WIPI2: variants seen among roughly 807,000 people sequenced by gnomAD.
WIPI2 encodes the protein WD repeat domain, phosphoinositide interacting 2.
Under a neutral mutation model 52.3 loss-of-function variants are expected in WIPI2, and 28 were observed. That is an observed-to-expected ratio of 0.54 (90% CI 0.40 to 0.73). WIPI2 has a LOEUF of 0.73. Ranked by LOEUF, WIPI2 falls within the 30% of genes least tolerant of loss-of-function variation. WIPI2 has a pLI of 0.00. For synonymous variants in WIPI2, 268 were observed against 245.0 expected, an observed-to-expected ratio of 1.09 and a Z score of -0.88; for missense variants, 506 against 602.9, an observed-to-expected ratio of 0.84 and a Z score of 1.68.
At chr7:5,228,303 C>G in intron 11 of WIPI2, 92 bp downstream of exon 11, 1 of 1,209,612 alleles carries the variant, frequency 8.3e-7, no homozygotes, top group Non-Finnish European at 1.1e-6. Flanking sequence ...TCCTTGCAAA[C>G]CAGTGACATA....
At position 5,190,493 on chromosome 7, in the gene WIPI2, C is replaced by T; in HGVS notation, c.74C>T (p.Thr25Ile). The T allele has an allele frequency of 2.0e-6, 3 of 1,507,662 alleles. No individual in the cohort carries two copies. The highest frequency in any genetic ancestry group is 2.7e-6 in the Non-Finnish European group (3 of 1,127,384). The allele number at this position is 1,507,662 out of a possible 1,614,324, so 93.4% of individuals were successfully genotyped here. A position where few individuals can be genotyped will look rare whatever the true frequency, so the allele number is the denominator to read the frequency against. ...TTCGCCAACTTCAACCAGGACAACA[C>T]GTAAGGCCGGGGTCGGGGGTCGGAG... ...LLFANFNQDN[T>I]EVKGASRAAG... is the part of the protein sequence containing the mutation. The change falls in exon 1 of 13, where the codon ACA becomes ATA. Residue 25 changes from threonine (T) to isoleucine (I), a missense_variant and splice_region_variant. Around this residue, in one of 4 missense-constraint regions of WIPI2, gnomAD observed 60 missense variants for 49.7 expected, o/e 1.21. Coordinates refer to ENST00000288828, the MANE Select transcript of WIPI2 (RefSeq NM_015610.4).
chr7:5,211,862 G>T (rs1782578179), intron 3 of WIPI2, among the ~76,000 whole-genome samples: 1 of 152,146 alleles, frequency 6.6e-6, no homozygotes, highest in Non-Finnish European at 1.5e-5. Context: ...TCGCCTTCCT[G>T]CAGGGTCGCC....
At chr7:5,191,744 T>A (rs998617401) in intron 1 of WIPI2, among the ~76,000 whole-genome samples, 10 of 152,088 alleles carry the variant, frequency 6.6e-5, no homozygotes, top group African/African-American at 2.4e-4. Flanking sequence ...ACTGGCTGAG[T>A]GGAATTAACA....
intron 1 of WIPI2, among the ~76,000 whole-genome samples, chr7:5,192,038 T>C (rs1194020893): frequency 6.6e-6 from 1 of 152,200 alleles, no homozygotes; most frequent in Admixed American, 6.5e-5. Context: ...CAATGTTCTT[T>C]CTGCTCTGCC....
chr7:5,199,009 C>G (rs1781885864), intron 2 of WIPI2, among the ~76,000 whole-genome samples: 2 of 152,094 alleles, frequency 1.3e-5, no homozygotes, highest in Admixed American at 6.5e-5. Flanking sequence ...TGTTAGATCT[C>G]CAGAAAAAGT....
Position 5,227,338 on chromosome 7 carries a change from T to C in WIPI2, c.1007T>C (p.Leu336Pro). Residue 336 changes from leucine (L) to proline (P), a missense_variant, in exon 10 of 13, where the codon CTA becomes CCA. This residue lies in a region of WIPI2 where 194 missense variants were observed against 175.1 expected (regional missense o/e 1.11). Transcript: ENST00000288828. This position sits in a 1 kb window ranked among gnomAD's most constrained non-coding sequence, Gnocchi z 8.1. ...PFCGHKNICS[L>P]ATIQKIPRLL... ...TGCGGCCACAAAAACATCTGCTCGCTAGCCACGTGAGTAGAGCCGGCGCCT... is the reference window on the plus strand; with the variant it reads ...TGCGGCCACAAAAACATCTGCTCGCCAGCCACGTGAGTAGAGCCGGCGCCT... 6.2e-7 allele frequency: 1 copy of C among 1,613,256 alleles called. No individual in the cohort carries two copies. Among genetic ancestry groups the C allele is most frequent in the Non-Finnish European group, 8.5e-7 (1 of 1,180,008 alleles).
intron 7 of WIPI2, 181 bp downstream of exon 7, chr7:5,218,195 G>A (rs1782920935): frequency 1.7e-6 from 1 of 589,824 alleles, no homozygotes; most frequent in Non-Finnish European, 3.0e-6. Context: ...GGAGCTTGCA[G>A]TGTGCCACTG....
intron 3 of WIPI2, among the ~76,000 whole-genome samples, chr7:5,200,609 A>G (rs1373661249): frequency 6.6e-6 from 1 of 151,660 alleles, no homozygotes; most frequent in African/African-American, 2.4e-5. Context: ...GCTGGAGTGC[A>G]GTGGTGCCAT....
In WIPI2 at chr7:5,229,752, C is replaced by G; in HGVS notation, c.1252+14C>G. ...CAACGAGACTTGGTAAGGGGCGTGA[C>G]GCAAACCTGGAAGGTAATTAGCCCC... is the stretch of plus-strand genomic sequence containing the variant. On this transcript the variant is annotated intron_variant, in intron 12 of 12. Coordinates refer to ENST00000288828, the MANE Select transcript of WIPI2 (RefSeq NM_015610.4). The G allele has an allele frequency of 6.2e-7, 1 of 1,613,230 alleles. No individual in the cohort carries two copies. Among genetic ancestry groups the G allele is most frequent in the Non-Finnish European group, 8.5e-7 (1 of 1,179,486 alleles).
At chr7:5,207,315 A>C (rs1782343345) in intron 3 of WIPI2, among the ~76,000 whole-genome samples, 1 of 152,146 alleles carries the variant, frequency 6.6e-6, no homozygotes, top group Admixed American at 6.6e-5. Flanking sequence ...TTCCAGTCTC[A>C]GCTCCCTTCT....
chr7:5,227,217 G>A lies in WIPI2; in HGVS notation c.886G>A (p.Gly296Arg), dbSNP rs749136036. The stretch of plus-strand genomic sequence containing the variant: ...GCCCACCACCTGGACCGGGTACTTC[G>A]GGAAAGTGCTCATGGCCTCCACCAG... ...EEPTTWTGYF[G>R]KVLMASTSYL... Residue 296 changes from glycine to arginine, a missense_variant, in exon 10 of 13, where the codon GGG becomes AGG. Gly to Arg is a moderately radical substitution (Grantham distance 125). Transcript: ENST00000288828. The surrounding 1 kb of genome is among the most constrained non-coding windows in gnomAD (Gnocchi z 8.1). The A allele has an allele frequency of 3.7e-6, 6 of 1,613,996 alleles. No homozygotes were observed. The highest frequency in any genetic ancestry group is 5.1e-6 in the Non-Finnish European group (6 of 1,180,020).
intron 3 of WIPI2, among the ~76,000 whole-genome samples, chr7:5,204,668 T>A (rs369347077): frequency 1.3e-5 from 2 of 152,102 alleles, no homozygotes; most frequent in East Asian, 3.8e-4. Context: ...TTTTGTGTTA[T>A]GGCTGTTACC....
chr7:5,193,962 G>T (rs1021030651), intron 2 of WIPI2, among the ~76,000 whole-genome samples: 7 of 152,158 alleles, frequency 4.6e-5, no homozygotes, highest in African/African-American at 1.7e-4. Context: ...GAGGGCAGGG[G>T]GTGACTTAGG....
At chr7:5,203,069 A>G (rs1398641444) in intron 3 of WIPI2, among the ~76,000 whole-genome samples, 1 of 152,168 alleles carries the variant, frequency 6.6e-6, no homozygotes, top group East Asian at 1.9e-4. Context: ...GCCTGCGTTG[A>G]TTATGGAAGT....
Position 5,211,879 on chromosome 7 carries a change from C to T in WIPI2, c.212-2656C>T, listed in dbSNP as rs201339618. ...GCCTTCCTGCAGGGTCGCCGTGGCA[C>T]CCAGTACTCACCAAGGTTGCAGTGC... is the stretch of plus-strand genomic sequence containing the variant. On this transcript the variant is annotated intron_variant, in intron 3 of 12. Transcript: ENST00000288828. Among the ~76,000 whole-genome samples, 3 of 152,156 alleles carry T rather than the reference C, an allele frequency of 2.0e-5. No individual in the cohort carries two copies. The East Asian group carries it at 5.8e-4, about 29-fold the overall frequency.
At chr7:5,198,384 G>A (rs1385933953) in intron 2 of WIPI2, among the ~76,000 whole-genome samples, 3 of 151,044 alleles carry the variant, frequency 2.0e-5, no homozygotes, top group South Asian at 4.2e-4. Context: ...CGCAATCTCC[G>A]CTCACTGCAG....
At chr7:5,218,184 C>T (rs1395593512) in intron 7 of WIPI2, 170 bp downstream of exon 7, 7 of 622,438 alleles carry the variant, frequency 1.1e-5, no homozygotes, top group Admixed American at 2.9e-5. Context: ...CGAGAGTGAG[C>T]GGAGCTTGCA....
chr7:5,205,756 C>T (rs1451147383), intron 3 of WIPI2, among the ~76,000 whole-genome samples: 1 of 152,134 alleles, frequency 6.6e-6, no homozygotes, highest in Admixed American at 6.5e-5. Context: ...GATCCACCTG[C>T]CTCTGCCTCC....
At chr7:5,199,869 A>G (rs1399347922) in intron 3 of WIPI2, among the ~76,000 whole-genome samples, 1 of 152,210 alleles carries the variant, frequency 6.6e-6, no homozygotes, top group Non-Finnish European at 1.5e-5. Flanking sequence ...ATAGGAGGGC[A>G]GGTACCGAGG....
Sources: allele counts gnomAD v4.1 joint callset (sites outside exome capture counted in the v4.1 genomes callset), GRCh38; gene constraint gnomAD v4.1.1; regional missense constraint gnomAD v4.1.1; non-coding constraint Gnocchi (gnomAD v3.1); transcripts MANE v1.5; gene names NCBI Gene and HGNC (gene_info 2026-07-23, HGNC 2026-07-21).